RANBP1: variants seen among roughly 807,000 people sequenced by gnomAD.
RANBP1 encodes ran-specific GTPase-activating protein.
A neutral mutation model predicts 31.4 loss-of-function variants in RANBP1; 16 were observed. That is an observed-to-expected ratio of 0.51 (90% confidence interval 0.34 to 0.77). The LOEUF (loss-of-function observed/expected upper bound fraction) is 0.77, where lower values mean the gene tolerates loss of function less well. Among genes scored for constraint, RANBP1 ranks in the 30% least tolerant of loss-of-function variants. The pLI is 0.01. For missense variants in RANBP1, 265 were observed against 362.0 expected, an observed-to-expected ratio of 0.73 and a Z score of 2.17; for synonymous variants, 129 against 140.5, an observed-to-expected ratio of 0.92 and a Z score of 0.58.
Position 20,116,368 on chromosome 22 carries a change from C to T in RANBP1, c.184C>T (p.Arg62Trp), listed in dbSNP as rs774292507. The T allele has an allele frequency of 1.6e-5, 26 of 1,612,328 alleles. No individual in the cohort carries two copies. Among genetic ancestry groups the T allele is most frequent in the Non-Finnish European group, 2.1e-5 (25 of 1,179,546 alleles). Residue 62 changes from arginine (R) to tryptophan (W), a missense_variant, in exon 1 of 6, where the codon CGG becomes TGG. Arg to Trp is a moderately radical substitution (Grantham distance 101). This residue lies in a region of RANBP1 where 126 missense variants were observed against 123.6 expected (regional missense o/e 1.02). Coordinates refer to ENST00000430524, the MANE Select transcript of RANBP1 (RefSeq NM_001278639.2). ...CAGACCAAAGCGGCCCAGGAAGCGC[C>T]GGACGTCGCTGAAGCTGGCGTGGCG... ...GCRPKRPRKR[R>W]TSLKLAWRGT...
At chr22:20,126,055 G>A (rs1466341719) in intron 4 of RANBP1, among the ~76,000 whole-genome samples, 2 of 152,224 alleles carry the variant, frequency 1.3e-5, no homozygotes, top group African/African-American at 2.4e-5. Context: ...GTTGGGAGCC[G>A]AGCCTGTGGC....
At position 20,126,374 on chromosome 22, in the gene RANBP1, G is replaced by A. The variant is rs778327845; in HGVS notation, c.736+6G>A. The A allele has an allele frequency of 8.7e-6, 14 of 1,613,908 alleles. No individual in the cohort carries two copies. The highest frequency in any genetic ancestry group is 1.3e-5 in the African/African-American group (1 of 74,938). ...CGAAGAGAGAGAAAAGAAAGGTGACGTGGTGCCATGGGTTGGGGGGCTTCT... is the reference window on the plus strand; with the variant it reads ...CGAAGAGAGAGAAAAGAAAGGTGACATGGTGCCATGGGTTGGGGGGCTTCT... On this transcript the variant is annotated splice_donor_region_variant and intron_variant, in intron 5 of 5. Transcript: ENST00000430524.
chr22:20,117,155 C>T (rs952342436), intron 1 of RANBP1: 1 of 554,748 alleles, frequency 1.8e-6, no homozygotes, highest in Non-Finnish European at 3.0e-6. Context: ...CGCCAGGGGC[C>T]CGCGCCGGCC....
At position 20,125,493 on chromosome 22, in the gene RANBP1, G is replaced by A. The variant is rs1236000158; in HGVS notation, c.670+57G>A. On this transcript the variant is annotated intron_variant, in intron 4 of 5. Coordinates refer to ENST00000430524, the MANE Select transcript of RANBP1 (RefSeq NM_001278639.2). ...TTGGGGCTCACCTGCGTGGCAGCGT[G>A]GCGGGTTATGTGCAACAAATGCTGT... The A allele has an allele frequency of 1.9e-6, 3 of 1,556,392 alleles. No homozygotes were observed. In the South Asian group the frequency reaches 3.5e-5, roughly 18 times the overall value.
chr22:20,123,969 G>A (rs2050243416), intron 3 of RANBP1, among the ~76,000 whole-genome samples: 1 of 152,086 alleles, frequency 6.6e-6, no homozygotes, highest in African/African-American at 2.4e-5. Context: ...CTCAGCCCTT[G>A]AGGGCGATGC....
At chr22:20,119,736 C>T (rs1363737714) in intron 2 of RANBP1, among the ~76,000 whole-genome samples, 5 of 152,144 alleles carry the variant, frequency 3.3e-5, no homozygotes, top group African/African-American at 9.7e-5. Context: ...AGGATGGTCT[C>T]GATCTCCTGA....
chr22:20,116,683 T>G, intron 1 of RANBP1: 1 of 1,491,144 alleles, frequency 6.7e-7, no homozygotes, highest in Non-Finnish European at 8.9e-7. Context: ...AGCTTCCTTA[T>G]GGGACACCCA....
In RANBP1 at chr22:20,122,259, T is replaced by C. The variant is rs371685661; in HGVS notation, c.384-5T>C. On this transcript the variant is annotated splice_polypyrimidine_tract_variant and splice_region_variant and intron_variant, in intron 2 of 5. Transcript: ENST00000430524. ...GCACTCTTAACCTCACGGCTTTTCT[T>C]GCAGGCGGGCAAAACTGTTCCGATT... The C allele has an allele frequency of 6.8e-6, 11 of 1,611,982 alleles. No individual in the cohort carries two copies. In the African/African-American group the frequency reaches 1.3e-4, roughly 20 times the overall value.
At position 20,119,053 on chromosome 22, in the gene RANBP1, A is replaced by G; in HGVS notation, c.287A>G (p.Asp96Gly). 1 of 1,613,330 alleles carries G rather than the reference A, an allele frequency of 6.2e-7. No individual in the cohort carries two copies. ...EDHDTSTENT[D>G]ESNHDPQFEP... ...CATGATACTTCCACTGAGAATACAG[A>G]CGAGTCCAACCATGACCCTCAGTTT... Residue 96 changes from aspartate to glycine, a missense_variant, in exon 2 of 6, where the codon GAC becomes GGC. By Grantham distance (94) the Asp-to-Gly change is moderately conservative. This residue lies in a region of RANBP1 where 90 missense variants were observed against 190.5 expected (regional missense o/e 0.47). Coordinates refer to ENST00000430524, the MANE Select transcript of RANBP1 (RefSeq NM_001278639.2).
intron 4 of RANBP1, 45 bp from the exon 5 acceptor site, chr22:20,126,258 C>G: frequency 6.3e-7 from 1 of 1,591,154 alleles, no homozygotes; most frequent in South Asian, 1.1e-5. Flanking sequence ...CATGTCTCTT[C>G]CACTGCTCAC....
chr22:20,121,117 C>A (rs930623633), intron 2 of RANBP1, among the ~76,000 whole-genome samples: 11 of 152,182 alleles, frequency 7.2e-5, no homozygotes, highest in Admixed American at 1.3e-4. Context: ...CCATGCCTGG[C>A]TGATTTTTTG....
chr22:20,116,799 A>G, intron 1 of RANBP1: 1 of 1,293,056 alleles, frequency 7.7e-7, no homozygotes. Context: ...CCTCGTCCCC[A>G]CCTATTCTCT....
At chr22:20,116,598 C>T (rs2050029820) in intron 1 of RANBP1, 168 bp downstream of exon 1, 1 of 1,545,670 alleles carries the variant, frequency 6.5e-7, no homozygotes, top group East Asian at 2.3e-5. Context: ...CACAGCTCTC[C>T]ATGGGCTTCG....
intron 1 of RANBP1, 147 bp downstream of exon 1, chr22:20,116,577 G>A (rs1362944109): frequency 6.4e-7 from 1 of 1,569,326 alleles, no homozygotes; most frequent in Admixed American, 1.9e-5. Flanking sequence ...GGGCACTGCT[G>A]CTCTCCTGGC....
intron 4 of RANBP1, among the ~76,000 whole-genome samples, chr22:20,125,945 CAGTG>C (rs1348965890): frequency 6.6e-6 from 1 of 152,260 alleles, no homozygotes; most frequent in Non-Finnish European, 1.5e-5. Flanking sequence ...CTGGAGGAGT[CAGTG>C]GGTACTGTGG....
chr22:20,116,792 C>T (rs1680522018), intron 1 of RANBP1: 3 of 1,459,094 alleles, frequency 2.1e-6, no homozygotes, highest in Non-Finnish European at 2.8e-6. Context: ...GCACCTGCCT[C>T]GTCCCCACCT....
Position 20,116,120 on chromosome 22 carries a change from T to C in RANBP1, c.-65T>C. On this transcript the variant is annotated 5_prime_UTR_variant, in exon 1 of 6. Transcript: ENST00000430524. ...GCATAGGGCACTGTCCATAGAGGGG[T>C]CACCACGTCGGCCACTCGTGTTACT... 1 of 1,612,378 alleles carries C rather than the reference T, an allele frequency of 6.2e-7. No individual in the cohort carries two copies. Among genetic ancestry groups the C allele is most frequent in the Non-Finnish European group, 8.5e-7 (1 of 1,179,394 alleles).
At chr22:20,125,161 C>T in intron 3 of RANBP1, 147 bp from the exon 4 acceptor site, 4 of 845,664 alleles carry the variant, frequency 4.7e-6, no homozygotes, top group Admixed American at 2.6e-5. Context: ...GGTACTTTGT[C>T]TAAGCCTGGT....
intron 1 of RANBP1, chr22:20,117,566 G>T: frequency 1.4e-6 from 2 of 1,413,056 alleles, no homozygotes; most frequent in South Asian, 1.4e-5. Flanking sequence ...CAGACGCGGA[G>T]GGAAGGAGCT....
Sources: gnomAD v4.1 joint callset for allele counts (sites outside exome capture counted in the v4.1 genomes callset) on GRCh38, gnomAD v4.1.1 for gene constraint, gnomAD v4.1.1 regional missense constraint, MANE v1.5 for transcripts, NCBI Gene and HGNC (gene_info 2026-07-23, HGNC 2026-07-21) for gene names.